The following EXOC6B variants were observed in gnomAD, a reference collection of about 807,000 sequenced individuals.
EXOC6B encodes SEC15 homolog B.
EXOC6B carries 54 observed loss-of-function variants against 113.5 expected under a neutral mutation model. The observed-to-expected ratio is 0.48, with a 90% CI of 0.38 to 0.60. The LOEUF (loss-of-function observed/expected upper bound fraction) is 0.60. Ranked by LOEUF, EXOC6B falls within the 20% of genes least tolerant of loss-of-function variation. The pLI, the probability that EXOC6B is intolerant of heterozygous loss-of-function variation, is 0.00. For missense variants in EXOC6B, 797 were observed against 977.5 expected (o/e 0.82, Z 2.46); for synonymous variants, 357 against 339.0 (o/e 1.05, Z -0.58).
chr2:72,245,863 G>A (rs1465852153), intron 20 of EXOC6B, among the ~76,000 whole-genome samples: 1 of 151,938 alleles, frequency 6.6e-6, no homozygotes, highest in East Asian at 1.9e-4. Context: ...CTGAACTACT[G>A]CAAAAAATCT....
At chr2:72,309,839 A>G (rs1159493576) in intron 20 of EXOC6B, among the ~76,000 whole-genome samples, 2 of 152,104 alleles carry the variant, frequency 1.3e-5, no homozygotes, top group East Asian at 3.9e-4. Flanking sequence ...ACATCCACTA[A>G]TCTACTTTCT....
intron 18 of EXOC6B, among the ~76,000 whole-genome samples, chr2:72,405,213 A>G (rs772746589): frequency 5.9e-5 from 9 of 152,256 alleles, no homozygotes; most frequent in Non-Finnish European, 8.8e-5. Context: ...GGAAAGACCA[A>G]ATCTACATCT....
rs1344745195 is a variant in EXOC6B at position 72,176,621 on chromosome 2, C to G, written c.*2714G>C. ...AGGTCCTGTTCTTCCCTACCTGCAA[C>G]AGCTTCATTTATAGCCTGCTCAAAG... On this transcript the variant is annotated 3_prime_UTR_variant, in exon 22 of 22. Coordinates refer to ENST00000272427, the MANE Select transcript of EXOC6B (RefSeq NM_015189.3). 1 of 152,232 alleles carries G rather than the reference C, an allele frequency of 6.6e-6. No individual in the cohort carries two copies. The highest frequency in any genetic ancestry group is 1.5e-5 in the Non-Finnish European group (1 of 68,048). 9.4% of individuals were successfully genotyped at this position (152,232 alleles called of 1,614,324 possible).
At chr2:72,388,347 G>T (rs998349634) in intron 18 of EXOC6B, among the ~76,000 whole-genome samples, 8 of 152,058 alleles carry the variant, frequency 5.3e-5, no homozygotes, top group Non-Finnish European at 8.8e-5. Flanking sequence ...CAATGATTTG[G>T]TGATATTTTT....
Position 72,498,566 on chromosome 2 carries a change from G to T in EXOC6B, c.1240-15C>A, listed in dbSNP as rs768154510. ...AAACCATACACCTGAAACAAAATAA[G>T]AAAATCACTTCAGTGTCTAAGGAAG... On this transcript the variant is annotated splice_polypyrimidine_tract_variant and intron_variant, in intron 12 of 21. Transcript: ENST00000272427. 2 of 1,510,010 alleles carry T rather than the reference G, an allele frequency of 1.3e-6. No homozygotes were observed. Among genetic ancestry groups the T allele is most frequent in the Non-Finnish European group, 1.8e-6 (2 of 1,111,090 alleles). The allele number at this position is 1,510,010 out of a possible 1,614,324, so 93.5% of individuals were successfully genotyped here.
At chr2:72,796,620 C>G (rs939688872) in intron 1 of EXOC6B, among the ~76,000 whole-genome samples, 3 of 152,118 alleles carry the variant, frequency 2.0e-5, no homozygotes, top group African/African-American at 7.2e-5. Context: ...AAATGAATCT[C>G]TTCGCCTCCA....
intron 6 of EXOC6B, among the ~76,000 whole-genome samples, chr2:72,658,082 C>G (rs1027404059): frequency 2.7e-5 from 4 of 150,572 alleles, no homozygotes; most frequent in African/African-American, 4.9e-5. Context: ...AATATCCAGT[C>G]CAGCTCTTTA....
At position 72,559,510 on chromosome 2, in the gene EXOC6B, G is replaced by A. The variant is rs369655309; in HGVS notation, c.858C>T (p.Ala286=). The change falls in exon 8 of 22, where the codon GCC becomes GCT. Residue 286 remains alanine (A), a synonymous_variant. Transcript: ENST00000272427. ...DEEDDEEVPG[A]QDLVDFSPVY... is the part of the protein sequence containing the mutation. Reference sequence around the variant, plus strand: ...CTGGAGAGAAATCCACCAAATCTTGGGCCCCAGGTACCTGCAAACACAAGA... The same window carrying A: ...CTGGAGAGAAATCCACCAAATCTTGAGCCCCAGGTACCTGCAAACACAAGA... 3.1e-6 allele frequency: 5 copies of A among 1,611,908 alleles called. No individual in the cohort carries two copies. Among genetic ancestry groups the A allele is most frequent in the Non-Finnish European group, 4.2e-6 (5 of 1,178,996 alleles).
chr2:72,670,444 T>G (rs1675711812), intron 6 of EXOC6B, among the ~76,000 whole-genome samples: 1 of 152,168 alleles, frequency 6.6e-6, no homozygotes, highest in Admixed American at 6.5e-5. Flanking sequence ...ATATCATTTC[T>G]CCCCTGGAAT....
At position 72,277,265 on chromosome 2, in the gene EXOC6B, C is replaced by T. The variant is rs147217622; in HGVS notation, c.2196+57682G>A. On this transcript the variant is annotated intron_variant, in intron 20 of 21. Transcript: ENST00000272427. ...AGTCCAATATATAAAAATATAGAGTCAAAGCTGCTTATGCAAATTTATGAT... is the reference window on the plus strand; with the variant it reads ...AGTCCAATATATAAAAATATAGAGTTAAAGCTGCTTATGCAAATTTATGAT... Among the ~76,000 whole-genome samples, 787 of 152,216 alleles carry T rather than the reference C, an allele frequency of 5.2e-3. 6 individuals carry two copies. The highest frequency in any genetic ancestry group is 0.018 in the African/African-American group (731 of 41,546).
intron 6 of EXOC6B, among the ~76,000 whole-genome samples, chr2:72,596,202 G>A (rs1456288000): frequency 6.6e-6 from 1 of 152,126 alleles, no homozygotes; most frequent in Non-Finnish European, 1.5e-5. Context: ...CAAGAAAAAA[G>A]ATGAAAAACT....
intron 20 of EXOC6B, among the ~76,000 whole-genome samples, chr2:72,258,075 T>C (rs369038085): frequency 2.6e-5 from 4 of 152,218 alleles, no homozygotes; most frequent in African/African-American, 9.6e-5. Flanking sequence ...AGCCTATATA[T>C]GATTAGATTA....
chr2:72,438,038 A>G (rs1189925127), intron 18 of EXOC6B, among the ~76,000 whole-genome samples: 2 of 152,204 alleles, frequency 1.3e-5, no homozygotes, highest in Non-Finnish European at 2.9e-5. Context: ...TGGTTAGATC[A>G]TTGAGTACAC....
At chr2:72,324,432 T>G (rs574151970) in intron 20 of EXOC6B, among the ~76,000 whole-genome samples, 17 of 152,282 alleles carry the variant, frequency 1.1e-4, no homozygotes, top group Admixed American at 7.8e-4. Context: ...CACTCCAGGT[T>G]GCCTGACTTT....
intron 6 of EXOC6B, among the ~76,000 whole-genome samples, chr2:72,644,314 C>A (rs1673512353): frequency 6.6e-6 from 1 of 152,096 alleles, no homozygotes; most frequent in Non-Finnish European, 1.5e-5. Flanking sequence ...ACCAAATCCA[C>A]GTTTGATTGG....
intron 8 of EXOC6B, among the ~76,000 whole-genome samples, chr2:72,555,847 A>G (rs1319345162): frequency 6.6e-6 from 1 of 152,066 alleles, no homozygotes; most frequent in South Asian, 2.1e-4. Context: ...GAGTTTCACC[A>G]TGTTGCCAGG....
intron 19 of EXOC6B, among the ~76,000 whole-genome samples, chr2:72,348,960 A>G (rs1208936873): frequency 1.3e-5 from 2 of 152,158 alleles, no homozygotes; most frequent in African/African-American, 4.8e-5. Context: ...TGTTTCTCTC[A>G]TATATATTTC....
At chr2:72,631,447 T>G (rs1573519138) in intron 6 of EXOC6B, among the ~76,000 whole-genome samples, 1 of 65,774 alleles carries the variant, frequency 1.5e-5, no homozygotes, top group South Asian at 6.3e-4. Flanking sequence ...TATATATATA[T>G]ATATATATAT....
chr2:72,207,257 A>C (rs1679894186), intron 20 of EXOC6B, among the ~76,000 whole-genome samples: 1 of 152,192 alleles, frequency 6.6e-6, no homozygotes, highest in African/African-American at 2.4e-5. Flanking sequence ...GTCTTGATGA[A>C]AATACTTGAA....
Sources: allele counts gnomAD v4.1 joint callset (sites outside exome capture counted in the v4.1 genomes callset), GRCh38; gene constraint gnomAD v4.1.1; transcripts MANE v1.5; gene names NCBI Gene and HGNC (gene_info 2026-07-23, HGNC 2026-07-21).